The following TENM2 variants were observed in gnomAD, a reference collection of about 807,000 sequenced individuals.
TENM2 encodes the protein teneurin-2.
TENM2 carries 52 observed loss-of-function variants against 245.2 expected under a neutral mutation model. The observed-to-expected ratio is 0.21, with a 90% CI of 0.17 to 0.27. The LOEUF (loss-of-function observed/expected upper bound fraction) is 0.27. Ranked by LOEUF, TENM2 falls within the 10% of genes least tolerant of loss-of-function variation. TENM2 has a pLI of 1.00. For synonymous variants in TENM2, 1,363 were observed against 1,438.9 expected (o/e 0.95, Z 1.19); for missense variants, 3,046 against 3,666.8 (o/e 0.83, Z 4.37).
intron 2 of TENM2, among the ~76,000 whole-genome samples, chr5:167,649,859 T>C (rs932315390): frequency 7.9e-5 from 12 of 152,228 alleles, no homozygotes; most frequent in African/African-American, 2.9e-4. Context: ...TACTGCTCAG[T>C]ATTTCAAAGA....
intron 5 of TENM2, among the ~76,000 whole-genome samples, chr5:168,038,537 G>A (rs1439585736): frequency 6.6e-6 from 1 of 152,190 alleles, no homozygotes; most frequent in Non-Finnish European, 1.5e-5. Flanking sequence ...ACTGTAAAGA[G>A]CAAATGAGGT....
At chr5:168,134,623 G>A (rs1754885763) in intron 12 of TENM2, among the ~76,000 whole-genome samples, 1 of 152,144 alleles carries the variant, frequency 6.6e-6, no homozygotes, top group Non-Finnish European at 1.5e-5. Context: ...GGAGGCAGAG[G>A]TTGCAGTGAG....
At chr5:167,947,087 A>T (rs1779686009) in intron 3 of TENM2, among the ~76,000 whole-genome samples, 1 of 152,038 alleles carries the variant, frequency 6.6e-6, no homozygotes, top group African/African-American at 2.4e-5. Flanking sequence ...TTGAAGGTGG[A>T]GGGGTCAGAG....
rs1554199700 is a variant in TENM2, at chr5:168,112,606, C to CGGT, written c.1814-5684_1814-5683insTGG. On this transcript the variant is annotated intron_variant, in intron 9 of 28. Coordinates refer to ENST00000518659, the Ensembl canonical transcript of TENM2. ...ATTTTTGAATACAGTGTGCAGTGGG[C>CGGT]GGGGGGGGGGTCAAACTTTATTACT... Among the ~76,000 whole-genome samples the CGGT allele has an allele frequency of 6.2e-5, 4 of 64,082 alleles. 1 individual carries two copies. In the East Asian group the frequency reaches 1.4e-3, roughly 22 times the overall value. 42.0% of individuals were successfully genotyped at this position (64,082 alleles called of 152,430 possible).
At chr5:167,342,859 A>AT (rs34528128) in intron 1 of TENM2, among the ~76,000 whole-genome samples, 2,934 of 142,344 alleles carry the variant, frequency 0.021, 43 homozygotes, top group South Asian at 0.028. Flanking sequence ...TCCATGATGC[A>AT]TTTTTTTTTT....
chr5:167,097,121 T>C, the TENM2 span, among the ~76,000 whole-genome samples: 1 of 152,144 alleles, frequency 6.6e-6, no homozygotes, highest in African/African-American at 2.4e-5. Context: ...AGTCAAACGC[T>C]CAAGGCATTG....
intron 1 of TENM2, among the ~76,000 whole-genome samples, chr5:167,330,999 A>T (rs2127790132): frequency 6.6e-6 from 1 of 152,162 alleles, no homozygotes; most frequent in East Asian, 1.9e-4. Context: ...GCACTTTGGG[A>T]GGCCGAGGAG....
Position 167,990,788 on chromosome 5 carries a change from T to C in TENM2, c.948-2156T>C, listed in dbSNP as rs181631814. Among the ~76,000 whole-genome samples, 7 of 152,318 alleles carry C rather than the reference T, an allele frequency of 4.6e-5. No individual in the cohort carries two copies. The East Asian group carries it at 1.2e-3, about 25-fold the overall frequency. ...ATCAGATACTCATTTTCTGACATGA[T>C]TGTCAGTCATATTGGGTTTGTTTGA... On this transcript the variant is annotated intron_variant, in intron 4 of 28. Coordinates refer to ENST00000518659, the Ensembl canonical transcript of TENM2.
At position 168,247,229 on chromosome 5, in the gene TENM2, G is replaced by C; in HGVS notation, c.6290G>C (p.Ser2097Thr). 6.2e-7 allele frequency: 1 copy of C among 1,613,898 alleles called. No individual in the cohort carries two copies. The highest frequency in any genetic ancestry group is 8.5e-7 in the Non-Finnish European group (1 of 1,179,894). ...TTTGACTACACCTATCATGACAACA[G>C]CTTCCGCATCGCAAGCATCAAGCCC... is the stretch of plus-strand genomic sequence containing the variant. Residue 2097 changes from serine (S) to threonine (T), a missense_variant, in exon 27 of 29, where the codon AGC becomes ACC. Coordinates refer to ENST00000518659, the Ensembl canonical transcript of TENM2. This position sits in a 1 kb window ranked among gnomAD's most constrained non-coding sequence, Gnocchi z 7.8.
intron 1 of TENM2, among the ~76,000 whole-genome samples, chr5:167,367,797 CAG>C (rs1224584552): frequency 6.6e-6 from 1 of 151,962 alleles, no homozygotes; most frequent in African/African-American, 2.4e-5. Flanking sequence ...ATTTGTCAAA[CAG>C]AAATAAAATT....
intron 2 of TENM2, among the ~76,000 whole-genome samples, chr5:167,434,972 G>C (rs1183032657): frequency 6.6e-6 from 1 of 152,136 alleles, no homozygotes; most frequent in Non-Finnish European, 1.5e-5. Context: ...TAACAAAATA[G>C]CAGATAGAAC....
chr5:168,183,966 A>G (rs1760164528), intron 13 of TENM2, among the ~76,000 whole-genome samples: 1 of 152,158 alleles, frequency 6.6e-6, no homozygotes, highest in African/African-American at 2.4e-5. Flanking sequence ...TTTGGGTATA[A>G]TCATCACTGC....
At chr5:167,002,665 A>C in the TENM2 span, among the ~76,000 whole-genome samples, 212 of 151,916 alleles carry the variant, frequency 1.4e-3, no homozygotes, top group Non-Finnish European at 2.0e-3. Flanking sequence ...AACCAAAAAA[A>C]CAAAAAAAAA....
At chr5:167,209,915 T>C in the TENM2 span, among the ~76,000 whole-genome samples, 1 of 152,230 alleles carries the variant, frequency 6.6e-6, no homozygotes, top group African/African-American at 2.4e-5. Flanking sequence ...ACATGGCATT[T>C]AGTCATATAC....
chr5:168,004,314 TA>T (rs1395583430), intron 5 of TENM2, among the ~76,000 whole-genome samples: 1 of 152,206 alleles, frequency 6.6e-6, no homozygotes, highest in East Asian at 1.9e-4. Context: ...CCTGCAATGT[TA>T]GTTCCCAATC....
At chr5:168,061,447 G>A (rs1790030427) in intron 6 of TENM2, among the ~76,000 whole-genome samples, 1 of 152,012 alleles carries the variant, frequency 6.6e-6, no homozygotes, top group South Asian at 2.1e-4. Flanking sequence ...TACTGAGTGT[G>A]GGCAACCAAT....
intron 2 of TENM2, among the ~76,000 whole-genome samples, chr5:167,584,716 A>G (rs1423642813): frequency 6.8e-6 from 1 of 147,766 alleles, no homozygotes; most frequent in Non-Finnish European, 1.5e-5. Context: ...TTTTTTTCAG[A>G]CGGAGTCTCG....
At chr5:167,929,910 A>G (rs569327722) in intron 3 of TENM2, among the ~76,000 whole-genome samples, 2 of 152,320 alleles carry the variant, frequency 1.3e-5, no homozygotes, top group African/African-American at 4.8e-5. Context: ...TGTGCCTCAG[A>G]TAGGAGCACA....
At position 168,118,472 on chromosome 5, in the gene TENM2, A is replaced by G. The variant is rs531257360; in HGVS notation, c.1994A>G (p.Glu665Gly). The G allele has an allele frequency of 2.4e-5, 37 of 1,557,862 alleles. No homozygotes were observed. The East Asian group carries it at 7.7e-4, about 32-fold the overall frequency. ...GTCTGCTCTGCTGGCTACAAAGGCGAGCACTGTGAGGAAGGTAAGCCCGCC... is the reference window on the plus strand; with the variant it reads ...GTCTGCTCTGCTGGCTACAAAGGCGGGCACTGTGAGGAAGGTAAGCCCGCC... The change falls in exon 10 of 29, where the codon GAG becomes GGG. Residue 665 changes from glutamate (E) to glycine (G), a missense_variant. Physicochemically the swap from Glu to Gly is moderately conservative, Grantham distance 98 (BLOSUM62 -2). Coordinates refer to ENST00000518659, the Ensembl canonical transcript of TENM2.
Sources: allele counts gnomAD v4.1 joint callset (sites outside exome capture counted in the v4.1 genomes callset), GRCh38; gene constraint gnomAD v4.1.1; non-coding constraint Gnocchi (gnomAD v3.1); transcripts MANE v1.5; gene names NCBI Gene and HGNC (gene_info 2026-07-23, HGNC 2026-07-21).